NDUFAF2: variants seen among roughly 807,000 people sequenced by gnomAD.
NDUFAF2 encodes the protein NADH:ubiquinone oxidoreductase complex assembly factor 2, also known as NADH dehydrogenase [ubiquinone] 1 alpha subcomplex assembly factor 2.
In NDUFAF2, 13 loss-of-function variants were observed where a neutral mutation model predicts 22.8. The ratio of observed to expected loss-of-function variants is 0.57; its 90% confidence interval spans 0.37 to 0.91. The LOEUF (loss-of-function observed/expected upper bound fraction) is 0.91, where lower values mean the gene tolerates loss of function less well. NDUFAF2 is among the 40% of genes least tolerant of loss of function. The probability of loss-of-function intolerance (pLI) is 0.01; values close to 1 mark genes in which losing one functional copy is unlikely to be tolerated. For synonymous variants in NDUFAF2, 53 were observed against 64.2 expected (o/e 0.83, Z 0.84); for missense variants, 162 against 195.2 (o/e 0.83, Z 1.01).
intron 3 of NDUFAF2, 24 bp downstream of exon 3, chr5:61,099,056 C>T: frequency 6.4e-7 from 1 of 1,556,272 alleles, no homozygotes; most frequent in East Asian, 2.3e-5. Context: ...AGGAGGATAT[C>T]ATTTAGGAGT....
chr5:61,054,203 G>GA (rs1298101021), intron 1 of NDUFAF2, among the ~76,000 whole-genome samples: 1 of 151,616 alleles, frequency 6.6e-6, no homozygotes, highest in African/African-American at 2.4e-5. Context: ...TATGTCTCTA[G>GA]AAAAAACAAA....
intron 1 of NDUFAF2, among the ~76,000 whole-genome samples, chr5:61,035,970 T>A (rs1751795563): frequency 6.6e-6 from 1 of 152,218 alleles, no homozygotes; most frequent in Non-Finnish European, 1.5e-5. Flanking sequence ...AAATAATAAA[T>A]AAACCACAAA....
At chr5:60,980,185 A>G (rs1278970664) in intron 1 of NDUFAF2, among the ~76,000 whole-genome samples, 1 of 152,232 alleles carries the variant, frequency 6.6e-6, no homozygotes, top group Admixed American at 6.5e-5. Flanking sequence ...AAGAATGATG[A>G]GTACAAACAA....
intron 3 of NDUFAF2, among the ~76,000 whole-genome samples, chr5:61,112,585 T>C (rs962169819): frequency 6.6e-6 from 1 of 152,236 alleles, no homozygotes; most frequent in Non-Finnish European, 1.5e-5. Context: ...CTGCTCTTTT[T>C]TGATTTCCAT....
intron 1 of NDUFAF2, among the ~76,000 whole-genome samples, chr5:61,052,201 T>A (rs1423083161): frequency 6.6e-6 from 1 of 152,196 alleles, no homozygotes; most frequent in Admixed American, 6.5e-5. Context: ...ACTGCTCAAT[T>A]TATATTCCAA....
intron 1 of NDUFAF2, among the ~76,000 whole-genome samples, chr5:60,960,302 C>A (rs1289225413): frequency 6.6e-6 from 1 of 152,078 alleles, no homozygotes; most frequent in East Asian, 1.9e-4. Flanking sequence ...TGTGTATAGG[C>A]ACTATGCCTA....
intron 1 of NDUFAF2, among the ~76,000 whole-genome samples, chr5:61,018,007 C>G (rs158702): frequency 0.2 from 30,483 of 152,104 alleles, 3,595 homozygotes; most frequent in Non-Finnish European, 0.26. Flanking sequence ...CCACCTCGGC[C>G]TCCCAGAGTG....
intron 1 of NDUFAF2, among the ~76,000 whole-genome samples, chr5:61,042,220 T>G (rs899836363): frequency 2.6e-5 from 4 of 152,174 alleles, no homozygotes; most frequent in African/African-American, 9.7e-5. Context: ...GATTATAATT[T>G]AAATTTTTTA....
chr5:61,096,284 C>G (rs745389300), intron 2 of NDUFAF2, among the ~76,000 whole-genome samples: 2 of 152,128 alleles, frequency 1.3e-5, no homozygotes, highest in Non-Finnish European at 2.9e-5. Context: ...GACAACCTTA[C>G]AGACTCACAA....
At chr5:61,098,927 T>C (rs950089130) in intron 2 of NDUFAF2, 65 bp from the exon 3 acceptor site, 2 of 1,411,054 alleles carry the variant, frequency 1.4e-6, no homozygotes, top group Non-Finnish European at 2.0e-6. Flanking sequence ...AAAATTTGTT[T>C]TATGGATAAA....
intron 3 of NDUFAF2, among the ~76,000 whole-genome samples, chr5:61,108,305 A>C (rs1418463096): frequency 6.7e-6 from 1 of 149,142 alleles, no homozygotes; most frequent in Non-Finnish European, 1.5e-5. Context: ...GAACTAGTTT[A>C]CAGTCCCACC....
chr5:61,063,770 C>T (rs890317750), intron 1 of NDUFAF2, among the ~76,000 whole-genome samples: 1 of 151,884 alleles, frequency 6.6e-6, no homozygotes, highest in African/African-American at 2.4e-5. Flanking sequence ...TGAATCAAAG[C>T]TCAGCTACAG....
chr5:61,051,579 A>G (rs1471589915), intron 1 of NDUFAF2, among the ~76,000 whole-genome samples: 1 of 152,212 alleles, frequency 6.6e-6, no homozygotes, highest in Non-Finnish European at 1.5e-5. Context: ...TCTCCCACAT[A>G]TAGCAGTGTT....
At chr5:61,039,719 G>C (rs1325781067) in intron 1 of NDUFAF2, among the ~76,000 whole-genome samples, 2 of 152,068 alleles carry the variant, frequency 1.3e-5, no homozygotes, top group Non-Finnish European at 2.9e-5. Flanking sequence ...TCTCTTTCTG[G>C]CAAGGATGAA....
intron 1 of NDUFAF2, among the ~76,000 whole-genome samples, chr5:61,045,201 T>A (rs10062903): frequency 5.9e-4 from 28 of 47,712 alleles, no homozygotes; most frequent in African/African-American, 1.8e-3. Context: ...TTTTATTAAA[T>A]TTTAATAAAA....
intron 1 of NDUFAF2, among the ~76,000 whole-genome samples, chr5:60,966,188 T>G (rs1750756280): frequency 6.6e-6 from 1 of 152,166 alleles, no homozygotes. Context: ...AATGTCTTCT[T>G]AGATCTTTTG....
intron 1 of NDUFAF2, among the ~76,000 whole-genome samples, chr5:61,058,941 G>C (rs1446380499): frequency 6.6e-6 from 1 of 151,988 alleles, no homozygotes; most frequent in Non-Finnish European, 1.5e-5. Context: ...CCTTCTTTTG[G>C]AGAGTAGATC....
chr5:60,970,017 G>A (rs922247185), intron 1 of NDUFAF2, among the ~76,000 whole-genome samples: 4 of 152,010 alleles, frequency 2.6e-5, no homozygotes, highest in Admixed American at 2.6e-4. Flanking sequence ...CACTTTTGTT[G>A]AAAATGAGTT....
intron 3 of NDUFAF2, among the ~76,000 whole-genome samples, chr5:61,142,430 T>C (rs1741073030): frequency 6.6e-6 from 1 of 152,146 alleles, no homozygotes; most frequent in Non-Finnish European, 1.5e-5. Context: ...AACCATACAA[T>C]TGTCCCCTCA....
Sources: gnomAD v4.1 joint callset for allele counts (sites outside exome capture counted in the v4.1 genomes callset) on GRCh38, gnomAD v4.1.1 for gene constraint, MANE v1.5 for transcripts, NCBI Gene and HGNC (gene_info 2026-07-23, HGNC 2026-07-21) for gene names.